The following OCA2 variants were observed in gnomAD, a reference collection of about 807,000 sequenced individuals.
OCA2 encodes OCA2 melanosomal transmembrane protein.
A neutral mutation model predicts 100.2 loss-of-function variants in OCA2; 77 were observed. That is an observed-to-expected ratio of 0.77 (90% CI 0.64 to 0.93). The LOEUF is 0.93. OCA2 is among the 40% of genes least tolerant of loss of function. The pLI, the probability that OCA2 is intolerant of heterozygous loss-of-function variation, is 0.00. For synonymous variants in OCA2, 432 were observed against 439.2 expected (o/e 0.98, Z 0.21); for missense variants, 1,062 against 1,089.1 (o/e 0.98, Z 0.35).
intron 14 of OCA2, among the ~76,000 whole-genome samples, chr15:27,974,925 G>C (rs1241307160): frequency 1.3e-5 from 2 of 152,200 alleles, no homozygotes; most frequent in African/African-American, 2.4e-5. Flanking sequence ...AGACCATAGG[G>C]TGTACTCACC....
At position 28,005,215 on chromosome 15, in the gene OCA2, G is replaced by A. The variant is rs1302442702; in HGVS notation, c.1044+9561C>T. Among the ~76,000 whole-genome samples, 4 of 152,166 alleles carry A rather than the reference G, an allele frequency of 2.6e-5. No individual in the cohort carries two copies. The East Asian group carries it at 5.8e-4, about 22-fold the overall frequency. On this transcript the variant is annotated intron_variant, in intron 9 of 23. Transcript: ENST00000354638. Reference sequence around the variant, plus strand: ...CTCCTCAGAAGGAGGCTGATTCCATGGAAATGGCTGTGATTCCACAGAAAG... The same window carrying A: ...CTCCTCAGAAGGAGGCTGATTCCATAGAAATGGCTGTGATTCCACAGAAAG...
At chr15:27,820,385 T>G (rs1460365786) in intron 23 of OCA2, among the ~76,000 whole-genome samples, 1 of 152,170 alleles carries the variant, frequency 6.6e-6, no homozygotes, top group Non-Finnish European at 1.5e-5. Flanking sequence ...GCACGCACTC[T>G]CCACAGGGTA....
chr15:27,722,887 G>A, the OCA2 span, among the ~76,000 whole-genome samples: 1 of 146,566 alleles, frequency 6.8e-6, no homozygotes, highest in African/African-American at 2.5e-5. Flanking sequence ...TGTTGCCCAG[G>A]CTGGAGTCCA....
intron 21 of OCA2, among the ~76,000 whole-genome samples, chr15:27,852,542 G>A (rs1394370384): frequency 6.6e-6 from 1 of 152,102 alleles, no homozygotes; most frequent in Non-Finnish European, 1.5e-5. Flanking sequence ...AACACCAAAA[G>A]CAATGGCAAC....
At chr15:28,003,880 C>T (rs948379874) in intron 9 of OCA2, among the ~76,000 whole-genome samples, 2 of 152,240 alleles carry the variant, frequency 1.3e-5, no homozygotes, top group South Asian at 4.1e-4. Context: ...CCCTCCACCG[C>T]GTCATGCTCC....
chr15:28,051,595 CTT>C lies in OCA2; in HGVS notation c.228-19434_228-19433del, dbSNP rs11292828. Among the ~76,000 whole-genome samples the C allele has an allele frequency of 5.0e-3, 411 of 82,458 alleles. 4 individuals carry two copies. Among genetic ancestry groups the C allele is most frequent in the African/African-American group, 0.025 (338 of 13,564 alleles). The allele number at this position is 82,458 out of a possible 152,430, so 54.1% of individuals were successfully genotyped here. A position where few individuals can be genotyped will look rare whatever the true frequency, so the allele number is the denominator to read the frequency against. ...GCATGAGCCACTGCGCCTGGCCTTC[CTT>C]TTTTTTTTTTTTTTTTTTTTTTTTT... On this transcript the variant is annotated intron_variant, in intron 2 of 23. Coordinates refer to ENST00000354638, the MANE Select transcript of OCA2 (RefSeq NM_000275.3).
the OCA2 span, among the ~76,000 whole-genome samples, chr15:27,735,744 A>C: frequency 6.6e-6 from 1 of 152,032 alleles, no homozygotes; most frequent in Non-Finnish European, 1.5e-5. Context: ...AAACAAAAAA[A>C]CAAAAAAACA....
intron 2 of OCA2, among the ~76,000 whole-genome samples, chr15:28,069,523 C>T (rs1292485786): frequency 2.9e-5 from 4 of 136,872 alleles, no homozygotes; most frequent in East Asian, 2.2e-4. Flanking sequence ...CCTGATTCTC[C>T]TGCCTCAGTC....
chr15:27,837,755 C>T (rs2035206159), intron 23 of OCA2, among the ~76,000 whole-genome samples: 1 of 151,266 alleles, frequency 6.6e-6, no homozygotes, highest in South Asian at 2.1e-4. Context: ...GAGAAGACAG[C>T]AAACAGGCAG....
intron 4 of OCA2, among the ~76,000 whole-genome samples, chr15:28,025,738 G>A (rs1233976207): frequency 6.6e-6 from 1 of 152,246 alleles, no homozygotes; most frequent in Non-Finnish European, 1.5e-5. Flanking sequence ...GCAGGCACTA[G>A]AGCGTTTTTG....
intron 20 of OCA2, among the ~76,000 whole-genome samples, chr15:27,871,543 C>T (rs1271545060): frequency 6.6e-6 from 1 of 152,238 alleles, no homozygotes; most frequent in Non-Finnish European, 1.5e-5. Flanking sequence ...ACACTGGTCA[C>T]ATTGACCTGA....
chr15:27,893,234 G>A (rs900846097), intron 19 of OCA2, among the ~76,000 whole-genome samples: 2 of 152,156 alleles, frequency 1.3e-5, no homozygotes, highest in Non-Finnish European at 2.9e-5. Flanking sequence ...AATTTCTTAT[G>A]CCTGTCTTTA....
chr15:27,732,226 T>G, the OCA2 span, among the ~76,000 whole-genome samples: 1 of 152,166 alleles, frequency 6.6e-6, no homozygotes, highest in Non-Finnish European at 1.5e-5. Flanking sequence ...GCATGAAAAT[T>G]GTGAAAATAG....
intron 21 of OCA2, among the ~76,000 whole-genome samples, chr15:27,858,759 G>A (rs1274028446): frequency 6.6e-6 from 1 of 152,002 alleles, no homozygotes; most frequent in African/African-American, 2.4e-5. Flanking sequence ...ATAAAATTTG[G>A]AGACATAAAA....
intron 18 of OCA2, among the ~76,000 whole-genome samples, chr15:27,934,966 T>G (rs1406377601): frequency 3.9e-5 from 6 of 152,164 alleles, no homozygotes; most frequent in Non-Finnish European, 8.8e-5. Context: ...TGCCTGGTCC[T>G]GCTCTGAGTC....
chr15:27,777,236 A>G (rs926358501), intron 23 of OCA2, among the ~76,000 whole-genome samples: 27 of 152,084 alleles, frequency 1.8e-4, no homozygotes, highest in Non-Finnish European at 2.2e-4. Flanking sequence ...AAGTGAGACT[A>G]AGGGAGAGCA....
At chr15:27,813,182 G>A (rs1213569209) in intron 23 of OCA2, among the ~76,000 whole-genome samples, 3 of 152,088 alleles carry the variant, frequency 2.0e-5, no homozygotes, top group Non-Finnish European at 4.4e-5. Flanking sequence ...GAGAGCAAAG[G>A]GCAGAGTCCA....
At chr15:27,781,636 T>C (rs1460187555) in intron 23 of OCA2, among the ~76,000 whole-genome samples, 2 of 152,212 alleles carry the variant, frequency 1.3e-5, no homozygotes, top group African/African-American at 4.8e-5. Flanking sequence ...TTCTTATATA[T>C]ATTATTAGAA....
intron 23 of OCA2, among the ~76,000 whole-genome samples, chr15:27,821,205 G>C (rs1036086227): frequency 3.3e-5 from 5 of 152,080 alleles, no homozygotes; most frequent in African/African-American, 1.2e-4. Flanking sequence ...GTATTAGAGA[G>C]GTTATGCACA....
Sources: gnomAD v4.1 joint callset for allele counts (sites outside exome capture counted in the v4.1 genomes callset) on GRCh38, gnomAD v4.1.1 for gene constraint, MANE v1.5 for transcripts, NCBI Gene and HGNC (gene_info 2026-07-23, HGNC 2026-07-21) for gene names.